Variants in DYM observed in about 807,000 individuals in gnomAD.
The protein encoded by DYM is dymeclin, also known as dyggve-Melchior-Clausen syndrome protein.
DYM carries 78 observed loss-of-function variants against 93.1 expected under a neutral mutation model. The observed-to-expected ratio is 0.84, with a 90% CI of 0.70 to 1.01. The LOEUF is 1.01. Ranked by LOEUF, DYM falls within the 50% of genes least tolerant of loss-of-function variation. DYM has a pLI of 0.00. For synonymous variants in DYM, 321 were observed against 319.7 expected (o/e 1.00, Z -0.04); for missense variants, 789 against 845.0 (o/e 0.93, Z 0.82).
At chr18:49,234,683 C>G (rs370652990) in intron 13 of DYM, among the ~76,000 whole-genome samples, 2 of 152,144 alleles carry the variant, frequency 1.3e-5, no homozygotes, top group African/African-American at 4.8e-5. Context: ...AACCTGTGAA[C>G]ATGTTACATT....
At chr18:49,287,758 T>C (rs541740976) in intron 8 of DYM, among the ~76,000 whole-genome samples, 64 of 143,972 alleles carry the variant, frequency 4.4e-4, no homozygotes, top group African/African-American at 1.6e-3. Flanking sequence ...GGCAGGAGAA[T>C]TGCTTGAACC....
rs996551561 is a variant in DYM, at chr18:49,043,187, T to G, written c.*868A>C. 3 of 151,936 alleles carry G rather than the reference T, an allele frequency of 2.0e-5. No individual in the cohort carries two copies. The highest frequency in any genetic ancestry group is 4.4e-5 in the Non-Finnish European group (3 of 67,986). The allele number at this position is 151,936 out of a possible 1,614,324, so 9.4% of individuals were successfully genotyped here. On this transcript the variant is annotated 3_prime_UTR_variant, in exon 18 of 18. Coordinates refer to ENST00000675505, the MANE Select transcript of DYM (RefSeq NM_001353214.3). ...CTTTGTGGCTCAGGCTGGAGTGTACTGGCACGTTCTTAGCTCACTGCAGCC... is the reference window on the plus strand; with the variant it reads ...CTTTGTGGCTCAGGCTGGAGTGTACGGGCACGTTCTTAGCTCACTGCAGCC...
chr18:49,269,019 C>T (rs936710374), intron 11 of DYM, among the ~76,000 whole-genome samples: 18 of 151,966 alleles, frequency 1.2e-4, no homozygotes, highest in African/African-American at 4.4e-4. Flanking sequence ...AAAAAGCAGC[C>T]TCTGAATTGA....
intron 15 of DYM, among the ~76,000 whole-genome samples, chr18:49,142,153 G>A (rs996053513): frequency 1.3e-5 from 2 of 151,882 alleles, no homozygotes; most frequent in African/African-American, 4.8e-5. Flanking sequence ...GAGCCACCGC[G>A]CCTGGCCAAT....
intron 1 of DYM, among the ~76,000 whole-genome samples, chr18:49,443,220 G>C (rs143935703): frequency 6.9e-4 from 105 of 152,236 alleles, no homozygotes; most frequent in Admixed American, 2.0e-3. Flanking sequence ...TATATGAAAA[G>C]AAAATTTCAG....
intron 3 of DYM, among the ~76,000 whole-genome samples, chr18:49,386,939 T>G (rs1293456770): frequency 1.3e-5 from 2 of 150,976 alleles, no homozygotes; most frequent in Non-Finnish European, 2.9e-5. Flanking sequence ...TCTTCGTATT[T>G]ATTTACTTTT....
chr18:49,050,207 C>G (rs2072230865), intron 17 of DYM, among the ~76,000 whole-genome samples: 1 of 151,768 alleles, frequency 6.6e-6, no homozygotes, highest in Non-Finnish European at 1.5e-5. Context: ...CTGCCTCGGC[C>G]TCCCTAGTAG....
chr18:49,455,951 A>G (rs1333878029), intron 1 of DYM, among the ~76,000 whole-genome samples: 1 of 152,058 alleles, frequency 6.6e-6, no homozygotes. Flanking sequence ...TGTCTCAAAA[A>G]AAAAAAAGCA....
At chr18:49,448,062 G>C (rs2082247554) in intron 1 of DYM, among the ~76,000 whole-genome samples, 1 of 152,090 alleles carries the variant, frequency 6.6e-6, no homozygotes, top group Admixed American at 6.5e-5. Flanking sequence ...TCAGTCCAAT[G>C]AAACATCCTA....
At chr18:49,255,275 G>C (rs1456533447) in intron 13 of DYM, among the ~76,000 whole-genome samples, 1 of 152,202 alleles carries the variant, frequency 6.6e-6, no homozygotes, top group Non-Finnish European at 1.5e-5. Context: ...CACATGCCCA[G>C]ACTGAGGCAG....
At chr18:49,432,696 C>G (rs1390492004) in intron 1 of DYM, among the ~76,000 whole-genome samples, 1 of 148,482 alleles carries the variant, frequency 6.7e-6, no homozygotes. Flanking sequence ...ATTGTAACCT[C>G]AAACTCCTGG....
chr18:49,327,550 T>C (rs2062990718), intron 8 of DYM, among the ~76,000 whole-genome samples: 1 of 151,938 alleles, frequency 6.6e-6, no homozygotes, highest in Admixed American at 6.6e-5. Flanking sequence ...AGAGGTGGTG[T>C]CTCACTATGC....
intron 1 of DYM, among the ~76,000 whole-genome samples, chr18:49,446,078 T>G (rs1344088179): frequency 6.6e-6 from 1 of 152,166 alleles, no homozygotes; most frequent in African/African-American, 2.4e-5. Context: ...AAAATAGCAA[T>G]TTAGGCAGAT....
rs981440701 is a variant in DYM at position 49,041,905 on chromosome 18, C to T, written c.*2150G>A. 3.9e-5 allele frequency: 6 copies of T among 152,184 alleles called. No individual in the cohort carries two copies. Among genetic ancestry groups the T allele is most frequent in the African/African-American group, 4.8e-5 (2 of 41,434 alleles). 9.4% of individuals were successfully genotyped at this position (152,184 alleles called of 1,614,324 possible). A position where few individuals can be genotyped will look rare whatever the true frequency, so the allele number is the denominator to read the frequency against. On this transcript the variant is annotated 3_prime_UTR_variant, in exon 18 of 18. Coordinates refer to ENST00000675505, the MANE Select transcript of DYM (RefSeq NM_001353214.3). ...GGACTGTCCTGTGGCACTGCCCAGC[C>T]CTCAGACTCAGAGGACAGTTCTGTG... is the stretch of plus-strand genomic sequence containing the variant.
Position 49,040,490 on chromosome 18 carries a change from TATA to T in DYM, c.*3562_*3564del, listed in dbSNP as rs1182723025. On this transcript the variant is annotated 3_prime_UTR_variant, in exon 18 of 18. Transcript: ENST00000675505. ...GCATTATTTGCTGTGGATTGTGTGT[TATA>T]ATCTACTTCTCAGTTCTTCATATGC... 6.6e-6 allele frequency among the ~76,000 whole-genome samples: 1 copy of T among 152,250 alleles called. No homozygotes were observed. Among genetic ancestry groups the T allele is most frequent in the East Asian group, 1.9e-4 (1 of 5,204 alleles).
intron 2 of DYM, among the ~76,000 whole-genome samples, chr18:49,414,399 AC>A (rs1291819750): frequency 4.6e-5 from 7 of 152,228 alleles, no homozygotes; most frequent in East Asian, 1.9e-4. Context: ...AATAAAAAAA[AC>A]ATGAATAAAA....
rs190764621 is a variant in DYM, at chr18:49,119,665, G to T, written c.1729-739C>A. Among the ~76,000 whole-genome samples the T allele has an allele frequency of 9.1e-4, 139 of 152,208 alleles. 1 individual carries two copies. Among genetic ancestry groups the T allele is most frequent in the African/African-American group, 3.2e-3 (132 of 41,520 alleles). On this transcript the variant is annotated intron_variant, in intron 15 of 17. Transcript: ENST00000675505. ...CAATTATCAACAAAGGTGGTTAAGG[G>T]ATTTAAAAGGACAAAGGTTTCTACA...
At chr18:49,298,794 T>C (rs1356118792) in intron 8 of DYM, among the ~76,000 whole-genome samples, 1 of 152,198 alleles carries the variant, frequency 6.6e-6, no homozygotes, top group Admixed American at 6.5e-5. Context: ...TGAAAGGTAC[T>C]AGAATTCAAC....
At chr18:49,211,400 T>C (rs2092777794) in intron 13 of DYM, among the ~76,000 whole-genome samples, 1 of 152,164 alleles carries the variant, frequency 6.6e-6, no homozygotes, top group Non-Finnish European at 1.5e-5. Flanking sequence ...ACAAGGTGAA[T>C]CAACACAATA....
Sources: gnomAD v4.1 joint callset for allele counts (sites outside exome capture counted in the v4.1 genomes callset) on GRCh38, gnomAD v4.1.1 for gene constraint, MANE v1.5 for transcripts, NCBI Gene and HGNC (gene_info 2026-07-23, HGNC 2026-07-21) for gene names.